Variants in DHX40 observed in about 807,000 individuals in gnomAD.
DHX40 encodes probable ATP-dependent RNA helicase DHX40.
DHX40 carries 28 observed loss-of-function variants against 89.6 expected under a neutral mutation model. The observed-to-expected ratio is 0.31, with a 90% confidence interval of 0.23 to 0.43. The LOEUF (loss-of-function observed/expected upper bound fraction) is 0.43. DHX40 is among the 20% of genes least tolerant of loss of function. The pLI, the probability that DHX40 is intolerant of heterozygous loss-of-function variation, is 1.00. For synonymous variants in DHX40, 226 were observed against 283.6 expected (o/e 0.80, Z 2.04); for missense variants, 457 against 844.0 (o/e 0.54, Z 5.68).
In DHX40 at chr17:59,605,039, A is replaced by G. The variant is rs1250685926; in HGVS notation, c.1902-76A>G. 4 of 1,228,240 alleles carry G rather than the reference A, an allele frequency of 3.3e-6. No homozygotes were observed. In the Admixed American group the frequency reaches 7.0e-5, roughly 21 times the overall value. 76.1% of individuals were successfully genotyped at this position (1,228,240 alleles called of 1,614,324 possible). A position where few individuals can be genotyped will look rare whatever the true frequency, so the allele number is the denominator to read the frequency against. ...GTAGTAGAACATATTGTAATTGTTC[A>G]TTGCTGAATGTAATGCTCCATTTAC... On this transcript the variant is annotated intron_variant, in intron 15 of 17. Coordinates refer to ENST00000251241, the MANE Select transcript of DHX40 (RefSeq NM_024612.5).
intron 7 of DHX40, 64 bp from the exon 8 acceptor site, chr17:59,577,202 T>A (rs1448989085): frequency 2.1e-6 from 3 of 1,403,064 alleles, no homozygotes; most frequent in Non-Finnish European, 3.0e-6. Flanking sequence ...AATTAAGTTC[T>A]TCAAAACTCG....
intron 2 of DHX40, among the ~76,000 whole-genome samples, chr17:59,570,191 A>G (rs1205065189): frequency 8.4e-6 from 1 of 119,168 alleles, no homozygotes; most frequent in Non-Finnish European, 1.6e-5. Context: ...TATATAATAT[A>G]TAATATATTA....
At chr17:59,567,028 AT>A (rs564470115) in intron 2 of DHX40, among the ~76,000 whole-genome samples, 83 of 152,334 alleles carry the variant, frequency 5.4e-4, no homozygotes, top group African/African-American at 1.6e-3. Flanking sequence ...CTCAAATAGA[AT>A]TACATCTAGA....
rs1277981821 is a variant in DHX40, at chr17:59,589,097, A to G, written c.1582+1044A>G. Among the ~76,000 whole-genome samples, 10 of 151,952 alleles carry G rather than the reference A, an allele frequency of 6.6e-5. No homozygotes were observed. In the East Asian group the frequency reaches 1.9e-3, roughly 29 times the overall value. Reference sequence around the variant, plus strand: ...GTCCTGGTTATTGGAGCTTTATAGTAACTCTTGAAGTTTTGTTCTTCCTCT... The same window carrying G: ...GTCCTGGTTATTGGAGCTTTATAGTGACTCTTGAAGTTTTGTTCTTCCTCT... On this transcript the variant is annotated intron_variant, in intron 12 of 17. Coordinates refer to ENST00000251241, the MANE Select transcript of DHX40 (RefSeq NM_024612.5).
chr17:59,591,742 T>C (rs1191288264), intron 12 of DHX40, among the ~76,000 whole-genome samples: 1 of 151,880 alleles, frequency 6.6e-6, no homozygotes, highest in East Asian at 1.9e-4. Context: ...GATTTTTTTC[T>C]TTTTCTGAAT....
chr17:59,605,589 T>G lies in DHX40; in HGVS notation c.2115T>G (p.His705Gln). Reference protein sequence around the residue: ...LLPKLHEFNAHDLSSVARREV... With the variant: ...LLPKLHEFNAQDLSSVARREV... ...CCAAGTTGCATGAATTTAATGCACA[T>G]GATTTGAGCAGTGTGGCCCGACGTG... The change falls in exon 17 of 18, where the codon CAT becomes CAG. Residue 705 changes from histidine to glutamine, a missense_variant. Coordinates refer to ENST00000251241, the MANE Select transcript of DHX40 (RefSeq NM_024612.5). 1 of 1,614,102 alleles carries G rather than the reference T, an allele frequency of 6.2e-7. No individual in the cohort carries two copies.
chr17:59,589,313 C>G (rs2049047474), intron 12 of DHX40, among the ~76,000 whole-genome samples: 1 of 148,740 alleles, frequency 6.7e-6, no homozygotes, highest in African/African-American at 2.5e-5. Context: ...GCTCTGCCTC[C>G]CAGATTCGTG....
Position 59,607,998 on chromosome 17 carries a change from A to C in DHX40, c.*826A>C, listed in dbSNP as rs1555598155. 6.5e-6 allele frequency: 1 copy of C among 154,506 alleles called. No homozygotes were observed. The highest frequency in any genetic ancestry group is 1.5e-5 in the Non-Finnish European group (1 of 68,184). The allele number at this position is 154,506 out of a possible 1,614,324, so 9.6% of individuals were successfully genotyped here. ...TTCAAACAGCGCCTCCACCTGGCCTACTCTGTTATTTCCACCTGTTTGGGT... is the reference window on the plus strand; with the variant it reads ...TTCAAACAGCGCCTCCACCTGGCCTCCTCTGTTATTTCCACCTGTTTGGGT... On this transcript the variant is annotated 3_prime_UTR_variant, in exon 18 of 18. Coordinates refer to ENST00000251241, the MANE Select transcript of DHX40 (RefSeq NM_024612.5).
chr17:59,597,934 CAAA>C (rs776094146), intron 12 of DHX40, among the ~76,000 whole-genome samples: 5 of 56,792 alleles, frequency 8.8e-5, no homozygotes, highest in Admixed American at 1.9e-4. Context: ...GACTCCGTCT[CAAA>C]AAAAAAAAAA....
At chr17:59,600,389 A>C (rs952962028) in intron 14 of DHX40, among the ~76,000 whole-genome samples, 5 of 151,932 alleles carry the variant, frequency 3.3e-5, no homozygotes, top group Non-Finnish European at 7.4e-5. Context: ...AGAACTTATC[A>C]TTGACATTGA....
chr17:59,598,203 G>A (rs1279561468), intron 12 of DHX40, among the ~76,000 whole-genome samples: 1 of 151,992 alleles, frequency 6.6e-6, no homozygotes, highest in African/African-American at 2.4e-5. Context: ...AATTCTATAT[G>A]TACTGATATG....
intron 3 of DHX40, among the ~76,000 whole-genome samples, chr17:59,571,307 A>G (rs957745639): frequency 1.3e-5 from 2 of 151,938 alleles, no homozygotes; most frequent in Admixed American, 1.3e-4. Flanking sequence ...AAAATACAAA[A>G]TTAGCTGGGC....
In DHX40 at chr17:59,592,562, A is replaced by G. The variant is rs182235115; in HGVS notation, c.1582+4509A>G. Reference sequence around the variant, plus strand: ...TTTCTGATTAGTTTGCCTCTTCTGAAACGTCATATAAATAGAATTTTTTTT... The same window carrying G: ...TTTCTGATTAGTTTGCCTCTTCTGAGACGTCATATAAATAGAATTTTTTTT... On this transcript the variant is annotated intron_variant, in intron 12 of 17. Transcript: ENST00000251241. Among the ~76,000 whole-genome samples the G allele has an allele frequency of 5.5e-3, 824 of 150,914 alleles. 15 individuals carry two copies. The highest frequency in any genetic ancestry group is 0.024 in the Middle Eastern group (7 of 294).
chr17:59,588,127 T>C, intron 12 of DHX40, 74 bp downstream of exon 12: 10 of 1,577,404 alleles, frequency 6.3e-6, no homozygotes, highest in Non-Finnish European at 8.6e-6. Flanking sequence ...ACGCCTGTAA[T>C]CCCATCACTT....
intron 17 of DHX40, among the ~76,000 whole-genome samples, chr17:59,606,761 A>G (rs1179456622): frequency 1.3e-5 from 2 of 151,752 alleles, no homozygotes; most frequent in African/African-American, 4.8e-5. Context: ...AAAAAAAAAA[A>G]AGAAAAGAAA....
chr17:59,598,253 C>T (rs1187765638), intron 12 of DHX40, among the ~76,000 whole-genome samples: 1 of 151,908 alleles, frequency 6.6e-6, no homozygotes, highest in African/African-American at 2.4e-5. Flanking sequence ...ATTATATATT[C>T]CATTTATAGA....
chr17:59,606,281 G>A (rs1036308693), intron 17 of DHX40, among the ~76,000 whole-genome samples: 7 of 149,888 alleles, frequency 4.7e-5, no homozygotes, highest in African/African-American at 1.8e-4. Flanking sequence ...AATAGTTGTG[G>A]TACTGAAATA....
Position 59,607,379 on chromosome 17 carries a change from C to A in DHX40, c.*207C>A. Reference sequence around the variant, plus strand: ...AAAGAAAAGATTTGGTTGCCATAGTCATAAGCAATGATACATGAAACCAAT... The same window carrying A: ...AAAGAAAAGATTTGGTTGCCATAGTAATAAGCAATGATACATGAAACCAAT... On this transcript the variant is annotated 3_prime_UTR_variant, in exon 18 of 18. Transcript: ENST00000251241. 2 of 919,404 alleles carry A rather than the reference C, an allele frequency of 2.2e-6. No homozygotes were observed. The highest frequency in any genetic ancestry group is 1.5e-5 in the South Asian group (1 of 68,118). The allele number at this position is 919,404 out of a possible 1,614,324, so 57.0% of individuals were successfully genotyped here. A position where few individuals can be genotyped will look rare whatever the true frequency, so the allele number is the denominator to read the frequency against.
intron 2 of DHX40, among the ~76,000 whole-genome samples, chr17:59,570,200 TA>T (rs1567858575): frequency 2.6e-5 from 3 of 116,806 alleles, no homozygotes; most frequent in African/African-American, 1.2e-4. Flanking sequence ...TATAATATAT[TA>T]TAATATATAT....
Sources: gnomAD v4.1 joint callset for allele counts (sites outside exome capture counted in the v4.1 genomes callset) on GRCh38, gnomAD v4.1.1 for gene constraint, MANE v1.5 for transcripts, NCBI Gene and HGNC (gene_info 2026-07-23, HGNC 2026-07-21) for gene names.